The following DLG2 variants were observed in gnomAD, a reference collection of about 807,000 sequenced individuals.
DLG2 encodes the protein discs large MAGUK scaffold protein 2.
In DLG2, 45 loss-of-function variants were observed where a neutral mutation model predicts 132.5. The ratio of observed to expected loss-of-function variants is 0.34; its 90% confidence interval spans 0.27 to 0.44. The LOEUF is 0.44. DLG2 is among the 20% of genes least tolerant of loss of function. The pLI, the probability that DLG2 is intolerant of heterozygous loss-of-function variation, is 1.00. For missense variants in DLG2, 1,045 were observed against 1,196.9 expected (o/e 0.87, Z 1.87); for synonymous variants, 424 against 419.6 (o/e 1.01, Z -0.13).
intron 5 of DLG2, among the ~76,000 whole-genome samples, chr11:85,130,574 A>AG (rs758530117): frequency 2.6e-5 from 4 of 152,252 alleles, no homozygotes; most frequent in Non-Finnish European, 4.4e-5. Context: ...AATGGAGCTT[A>AG]GGACGTATCA....
At position 83,980,527 on chromosome 11, in the gene DLG2, T is replaced by G; in HGVS notation, c.1035A>C (p.Gln345His). Residue 345 changes from glutamine (Q) to histidine (H), a missense_variant, in exon 12 of 28, where the codon CAA becomes CAC. Gln to His is a conservative substitution (Grantham distance 24). Coordinates refer to ENST00000376104, the MANE Select transcript of DLG2 (RefSeq NM_001142699.3). Reference protein sequence around the residue: ...GGAAQKDGRLQVGDRLLMVNN... With the variant: ...GGAAQKDGRLHVGDRLLMVNN... Reference sequence around the variant, plus strand: ...TCACCATTAGTAGTCTATCTCCTACTTGCAACCTTCCATCTTTTTGTGCAG... The same window carrying G: ...TCACCATTAGTAGTCTATCTCCTACGTGCAACCTTCCATCTTTTTGTGCAG... 6.2e-7 allele frequency: 1 copy of G among 1,613,706 alleles called. No homozygotes were observed. Among genetic ancestry groups the G allele is most frequent in the South Asian group, 1.1e-5 (1 of 91,034 alleles).
chr11:83,810,728 A>C (rs1407755918), intron 17 of DLG2, among the ~76,000 whole-genome samples: 1 of 152,020 alleles, frequency 6.6e-6, no homozygotes, highest in Non-Finnish European at 1.5e-5. Flanking sequence ...TCCCATGCAA[A>C]AGTCATTCTT....
intron 3 of DLG2, among the ~76,000 whole-genome samples, chr11:85,474,352 C>T (rs1257320533): frequency 6.6e-6 from 1 of 151,914 alleles, no homozygotes; most frequent in Non-Finnish European, 1.5e-5. Flanking sequence ...TATATCTTAT[C>T]ATATAGACTC....
chr11:84,476,523 T>C (rs912961238), intron 7 of DLG2, among the ~76,000 whole-genome samples: 3 of 152,126 alleles, frequency 2.0e-5, no homozygotes, highest in Non-Finnish European at 1.5e-5. Context: ...ATTCAACCAA[T>C]CAAACACCAA....
chr11:84,993,458 T>G (rs1453424513), intron 6 of DLG2, among the ~76,000 whole-genome samples: 1 of 152,208 alleles, frequency 6.6e-6, no homozygotes, highest in Non-Finnish European at 1.5e-5. Flanking sequence ...CTTGGCTGAA[T>G]GCAGCCAGAG....
chr11:84,118,106 G>A (rs543937536), intron 9 of DLG2, among the ~76,000 whole-genome samples: 3 of 151,970 alleles, frequency 2.0e-5, no homozygotes, highest in Non-Finnish European at 4.4e-5. Context: ...ATCCACCTGC[G>A]TCGGCCTCCC....
chr11:85,152,786 C>G lies in DLG2; in HGVS notation c.282+1770G>C, dbSNP rs561474972. On this transcript the variant is annotated intron_variant, in intron 5 of 27. Transcript: ENST00000376104. ...CTCAGTCTGATATGTGTCCTACAGT[C>G]AAATGTGTTTCTACCTTGTTACCTC... is the stretch of plus-strand genomic sequence containing the variant. Among the ~76,000 whole-genome samples the G allele has an allele frequency of 2.0e-5, 3 of 152,326 alleles. No homozygotes were observed. The South Asian group carries it at 6.2e-4, about 32-fold the overall frequency.
intron 8 of DLG2, among the ~76,000 whole-genome samples, chr11:84,182,270 A>G (rs1327720067): frequency 1.3e-5 from 2 of 152,196 alleles, no homozygotes; most frequent in African/African-American, 4.8e-5. Flanking sequence ...GGGTAAAAGA[A>G]GAAATCTGAA....
At chr11:84,745,140 T>A (rs2065201949) in intron 6 of DLG2, among the ~76,000 whole-genome samples, 1 of 152,164 alleles carries the variant, frequency 6.6e-6, no homozygotes, top group African/African-American at 2.4e-5. Context: ...AAAAACAATG[T>A]TTTCTTACTT....
intron 22 of DLG2, among the ~76,000 whole-genome samples, chr11:83,472,981 T>G (rs982694486): frequency 6.6e-6 from 1 of 152,110 alleles, no homozygotes; most frequent in South Asian, 2.1e-4. Flanking sequence ...TAACTCTAAG[T>G]AATAACTGGT....
At chr11:84,307,025 T>G (rs2098227054) in intron 7 of DLG2, among the ~76,000 whole-genome samples, 1 of 152,340 alleles carries the variant, frequency 6.6e-6, no homozygotes, top group East Asian at 1.9e-4. Flanking sequence ...TATAAATTAT[T>G]CTACTATAAA....
intron 6 of DLG2, among the ~76,000 whole-genome samples, chr11:84,666,487 T>C (rs2099699895): frequency 6.6e-6 from 1 of 152,066 alleles, no homozygotes; most frequent in Admixed American, 6.6e-5. Flanking sequence ...TATATGTCTA[T>C]ATATGTATAT....
At chr11:84,787,902 C>A (rs1246757798) in intron 6 of DLG2, among the ~76,000 whole-genome samples, 1 of 149,090 alleles carries the variant, frequency 6.7e-6, no homozygotes, top group Admixed American at 6.7e-5. Context: ...AGTTCAAGAC[C>A]AGCCTGGCCA....
At chr11:85,062,775 T>C (rs764747895) in intron 6 of DLG2, among the ~76,000 whole-genome samples, 1 of 151,812 alleles carries the variant, frequency 6.6e-6, no homozygotes, top group African/African-American at 2.4e-5. Context: ...GCATTTTGCA[T>C]GTATCTGCTT....
chr11:85,412,326 C>A (rs79459977), intron 3 of DLG2, among the ~76,000 whole-genome samples: 3,089 of 151,824 alleles, frequency 0.02, 59 homozygotes, highest in Admixed American at 0.038. Context: ...GATGAAACAA[C>A]ATGATGGATG....
chr11:83,840,343 A>T (rs1228988706), intron 16 of DLG2, among the ~76,000 whole-genome samples: 5 of 152,212 alleles, frequency 3.3e-5, no homozygotes, highest in Admixed American at 1.3e-4. Context: ...AACTCAGGAA[A>T]TAGGTATTAA....
At chr11:83,583,622 T>C (rs2097022816) in intron 19 of DLG2, among the ~76,000 whole-genome samples, 1 of 152,194 alleles carries the variant, frequency 6.6e-6, no homozygotes, top group Non-Finnish European at 1.5e-5. Context: ...AAAGTGGTCT[T>C]AAATGAGTCA....
At chr11:84,533,119 T>C (rs769065008) in intron 7 of DLG2, among the ~76,000 whole-genome samples, 10 of 152,174 alleles carry the variant, frequency 6.6e-5, no homozygotes, top group Non-Finnish European at 1.3e-4. Context: ...TTTCTAGGGA[T>C]AGGGAACTTC....
chr11:84,816,640 T>C (rs1315445222), intron 6 of DLG2, among the ~76,000 whole-genome samples: 3 of 151,994 alleles, frequency 2.0e-5, no homozygotes, highest in Admixed American at 6.6e-5. Flanking sequence ...AAGCTGTTAT[T>C]ACCCTCACTT....
Sources: allele counts gnomAD v4.1 joint callset (sites outside exome capture counted in the v4.1 genomes callset), GRCh38; gene constraint gnomAD v4.1.1; transcripts MANE v1.5; gene names NCBI Gene and HGNC (gene_info 2026-07-23, HGNC 2026-07-21).